Variants in LRFN2 observed in about 807,000 individuals in gnomAD.
LRFN2 encodes the protein leucine rich repeat and fibronectin type III domain containing 2.
Under a neutral mutation model 37.3 loss-of-function variants are expected in LRFN2, and 18 were observed. That is an observed-to-expected ratio of 0.48 (90% CI 0.33 to 0.72). LRFN2 has a LOEUF of 0.72. Ranked by LOEUF, LRFN2 falls within the 30% of genes least tolerant of loss-of-function variation. LRFN2 has a pLI of 0.02. For missense variants in LRFN2, 1,006 were observed against 1,060.7 expected (o/e 0.95, Z 0.72); for synonymous variants, 556 against 466.6 (o/e 1.19, Z -2.47).
intron 2 of LRFN2, among the ~76,000 whole-genome samples, chr6:40,399,395 C>T (rs1432181070): frequency 6.6e-6 from 1 of 151,212 alleles, no homozygotes; most frequent in Non-Finnish European, 1.5e-5. Flanking sequence ...GAAATCCAAA[C>T]CCTGTACTGA....
chr6:40,394,843 G>T (rs145705018), intron 2 of LRFN2, among the ~76,000 whole-genome samples: 3,421 of 152,142 alleles, frequency 0.022, 63 homozygotes, highest in South Asian at 0.057. Flanking sequence ...CCCTGCACAA[G>T]CTCTCTTCTC....
At chr6:40,586,229 C>A (rs751579844) in intron 1 of LRFN2, among the ~76,000 whole-genome samples, 15 of 152,228 alleles carry the variant, frequency 9.9e-5, no homozygotes, top group Non-Finnish European at 1.8e-4. Flanking sequence ...CCTCCCTGCC[C>A]AGGCCAACCT....
At chr6:40,518,705 A>C (rs565507655) in intron 1 of LRFN2, among the ~76,000 whole-genome samples, 1 of 152,254 alleles carries the variant, frequency 6.6e-6, no homozygotes, top group East Asian at 1.9e-4. Flanking sequence ...TCATCCATTC[A>C]TTGTCATTCA....
chr6:40,562,123 T>G (rs146265493), intron 1 of LRFN2, among the ~76,000 whole-genome samples: 346 of 152,226 alleles, frequency 2.3e-3, no homozygotes, highest in African/African-American at 7.8e-3. Context: ...GAAGGATCAT[T>G]TAAAAATCAA....
Position 40,432,773 on chromosome 6 carries a change from CTTGGCAGCCGA to C in LRFN2, c.330_340del (p.Asn110LysfsTer29). On this transcript the variant is annotated frameshift_variant, in exon 2 of 3. Transcript: ENST00000338305. LOFTEE classifies it high-confidence loss of function. ...GCCCCGGAGGGTGTCCTCCCCAAGG[CTTGGCAGCCGA>C]TTGCTGTCAAGATGCAGGGAGCGGA... The C allele has an allele frequency of 6.2e-7, 1 of 1,614,232 alleles. No homozygotes were observed. Among genetic ancestry groups the C allele is most frequent in the Non-Finnish European group, 8.5e-7 (1 of 1,180,054 alleles).
At chr6:40,398,151 TG>T (rs1299949439) in intron 2 of LRFN2, among the ~76,000 whole-genome samples, 9 of 151,826 alleles carry the variant, frequency 5.9e-5, no homozygotes, top group Non-Finnish European at 1.2e-4. Flanking sequence ...CTTGGCTGTG[TG>T]GGGCTGACCT....
At chr6:40,414,577 C>A (rs1182540803) in intron 2 of LRFN2, among the ~76,000 whole-genome samples, 1 of 152,220 alleles carries the variant, frequency 6.6e-6, no homozygotes, top group African/African-American at 2.4e-5. Context: ...GCACTTTTGA[C>A]CTAATTCCAT....
At chr6:40,568,014 ACGT>A (rs1767120080) in intron 1 of LRFN2, among the ~76,000 whole-genome samples, 1 of 151,988 alleles carries the variant, frequency 6.6e-6, no homozygotes, top group Admixed American at 6.6e-5. Context: ...TACCCCCAAA[ACGT>A]ACAAACAAAA....
intron 2 of LRFN2, among the ~76,000 whole-genome samples, chr6:40,419,092 C>T (rs889142261): frequency 7.2e-5 from 11 of 152,232 alleles, no homozygotes; most frequent in African/African-American, 1.4e-4. Context: ...AGGTGATTCT[C>T]ATGCTTGCTC....
chr6:40,571,912 C>T (rs1453150575), intron 1 of LRFN2, among the ~76,000 whole-genome samples: 2 of 152,220 alleles, frequency 1.3e-5, no homozygotes, highest in African/African-American at 2.4e-5. Flanking sequence ...CCCTCGCCTG[C>T]CCTCACTGCT....
intron 1 of LRFN2, chr6:40,524,035 G>C (rs549551053): frequency 6.6e-6 from 1 of 152,230 alleles, no homozygotes; most frequent in African/African-American, 2.4e-5. Context: ...AAGCTGCATG[G>C]CACTTCCCAG....
intron 1 of LRFN2, among the ~76,000 whole-genome samples, chr6:40,574,573 G>T (rs993937284): frequency 3.9e-5 from 6 of 152,212 alleles, no homozygotes; most frequent in African/African-American, 1.4e-4. Context: ...AAAAGTATAA[G>T]CTTCACTTTA....
intron 1 of LRFN2, among the ~76,000 whole-genome samples, chr6:40,524,672 C>A (rs1766195833): frequency 6.6e-6 from 1 of 152,112 alleles, no homozygotes; most frequent in African/African-American, 2.4e-5. Context: ...TTCTTTTTGT[C>A]TTTAAAGGAA....
At position 40,483,760 on chromosome 6, in the gene LRFN2, T is replaced by G. The variant is rs577572827; in HGVS notation, c.-18-50629A>C. Among the ~76,000 whole-genome samples, 150 of 152,184 alleles carry G rather than the reference T, an allele frequency of 9.9e-4. 2 individuals carry two copies. In the South Asian group the frequency reaches 0.03, roughly 31 times the overall value. On this transcript the variant is annotated intron_variant, in intron 1 of 2. Coordinates refer to ENST00000338305, the MANE Select transcript of LRFN2 (RefSeq NM_020737.3). ...CTGGCAGCTTCCAGACGGAAGCAGG[T>G]CTTCCTTCCCTCCCTTTACCCTCAG... is the stretch of plus-strand genomic sequence containing the variant.
intron 1 of LRFN2, among the ~76,000 whole-genome samples, chr6:40,539,534 A>G (rs1362728820): frequency 2.0e-5 from 3 of 152,224 alleles, no homozygotes; most frequent in Admixed American, 2.0e-4. Flanking sequence ...TGCCAGACAC[A>G]GTCGTGGGAG....
intron 2 of LRFN2, among the ~76,000 whole-genome samples, chr6:40,414,816 G>C (rs1016272675): frequency 1.3e-5 from 2 of 152,192 alleles, no homozygotes; most frequent in African/African-American, 2.4e-5. Flanking sequence ...AGCTGAACAC[G>C]GCCCTGGGCC....
chr6:40,432,562 C>G lies in LRFN2; in HGVS notation c.552G>C (p.Leu184=), dbSNP rs147104443. The G allele has an allele frequency of 1.2e-6, 2 of 1,614,116 alleles. No individual in the cohort carries two copies. Among genetic ancestry groups the G allele is most frequent in the African/African-American group, 2.7e-5 (2 of 74,938 alleles). ...NLHQLSLDHN[L]LDHIAEGTFA... ...AGGTGCCCTCGGCGATGTGATCCAG[C>G]AGGTTGTGGTCCAGGCTCAGCTGGT... The change falls in exon 2 of 3, where the codon CTG becomes CTC. Residue 184 remains leucine, a synonymous_variant. Transcript: ENST00000338305.
In LRFN2 at chr6:40,432,127, C is replaced by G; in HGVS notation, c.987G>C (p.Leu329=). 1 of 1,613,820 alleles carries G rather than the reference C, an allele frequency of 6.2e-7. No individual in the cohort carries two copies. The highest frequency in any genetic ancestry group is 8.5e-7 in the Non-Finnish European group (1 of 1,179,944). ...LIHWVAPDDR[L]VGNSSRTAVY... is the part of the protein sequence containing the mutation. ...CAGCGGTCCTTGAGGAGTTCCCTAC[C>G]AGGCGGTCATCGGGGGCTACCCAGT... The change falls in exon 2 of 3, where the codon CTG becomes CTC. Residue 329 remains leucine (L), a synonymous_variant. Transcript: ENST00000338305.
At chr6:40,468,767 A>T (rs1277041421) in intron 1 of LRFN2, among the ~76,000 whole-genome samples, 1 of 152,014 alleles carries the variant, frequency 6.6e-6, no homozygotes, top group Non-Finnish European at 1.5e-5. Context: ...CTCCTGTTCC[A>T]CCTCTGCCCC....
Sources: gnomAD v4.1 joint callset for allele counts (sites outside exome capture counted in the v4.1 genomes callset) on GRCh38, gnomAD v4.1.1 for gene constraint, MANE v1.5 for transcripts, NCBI Gene and HGNC (gene_info 2026-07-23, HGNC 2026-07-21) for gene names.